The following PCDHA9 variants were observed in gnomAD, a reference collection of about 807,000 sequenced individuals.
PCDHA9 encodes the protein protocadherin alpha-9.
In PCDHA9, 62 loss-of-function variants were observed where a neutral mutation model predicts 62.0. The ratio of observed to expected loss-of-function variants is 1.00; its 90% CI spans 0.81 to 1.23. PCDHA9 has a LOEUF of 1.23. Among genes scored for constraint, PCDHA9 ranks in the 50% most tolerant of loss-of-function variants. The pLI is 0.00. For synonymous variants in PCDHA9, 557 were observed against 567.6 expected (o/e 0.98, Z 0.27); for missense variants, 1,205 against 1,249.8 (o/e 0.96, Z 0.54).
intron 1 of PCDHA9, among the ~76,000 whole-genome samples, chr5:140,974,152 G>A (rs183558718): frequency 4.2e-4 from 64 of 152,284 alleles, no homozygotes; most frequent in Admixed American, 2.4e-3. Flanking sequence ...CTATACAAGG[G>A]TTTTTCTTTC....
chr5:140,987,138 C>T (rs2097231368), intron 3 of PCDHA9, among the ~76,000 whole-genome samples: 1 of 151,182 alleles, frequency 6.6e-6, no homozygotes, highest in Non-Finnish European at 1.5e-5. Context: ...TGCTTGAACT[C>T]GGGAGGTGGA....
intron 1 of PCDHA9, chr5:140,855,934 G>A (rs1581379026): frequency 1.5e-6 from 2 of 1,294,846 alleles, no homozygotes; most frequent in South Asian, 1.5e-5. Flanking sequence ...GCGTCATTCT[G>A]AGATCTCAGC....
At chr5:140,901,927 A>C (rs2068986448) in intron 1 of PCDHA9, among the ~76,000 whole-genome samples, 1 of 151,764 alleles carries the variant, frequency 6.6e-6, no homozygotes. Context: ...TCTTTGGTTA[A>C]TTCCTAGGTA....
rs111528394 is a variant in PCDHA9 at position 140,995,338 on chromosome 5, C to T, written c.2542+12775C>T. Among the ~76,000 whole-genome samples the T allele has an allele frequency of 2.7e-4, 41 of 151,956 alleles. 1 individual carries two copies. Among genetic ancestry groups the T allele is most frequent in the Admixed American group, 6.6e-4 (10 of 15,254 alleles). On this transcript the variant is annotated intron_variant, in intron 3 of 3. Coordinates refer to ENST00000532602, the MANE Select transcript of PCDHA9 (RefSeq NM_031857.2). The stretch of plus-strand genomic sequence containing the variant: ...TGAACTAACAGGTGAGTAGTGTAGA[C>T]GGCATGGATAGGTCGGACAGAGGGA...
intron 1 of PCDHA9, among the ~76,000 whole-genome samples, chr5:140,957,475 A>G (rs2095362490): frequency 6.6e-6 from 1 of 152,192 alleles, no homozygotes; most frequent in Non-Finnish European, 1.5e-5. Flanking sequence ...ATGTATAGGA[A>G]AAAACATAGT....
chr5:140,957,594 A>C (rs2095369947), intron 1 of PCDHA9, among the ~76,000 whole-genome samples: 1 of 152,154 alleles, frequency 6.6e-6, no homozygotes, highest in Non-Finnish European at 1.5e-5. Context: ...AGCACTTCCC[A>C]GAATAAACAC....
intron 1 of PCDHA9, chr5:140,966,944 A>C: frequency 6.2e-7 from 1 of 1,603,894 alleles, no homozygotes; most frequent in Non-Finnish European, 8.5e-7. Context: ...GCTCGTGGGC[A>C]ACGTGGCTCG....
chr5:140,870,734 T>A (rs782055886), intron 1 of PCDHA9: 1 of 1,613,458 alleles, frequency 6.2e-7, no homozygotes. Flanking sequence ...GTGCCGCCTC[T>A]GAGCAGCAAC....
At chr5:140,902,938 C>T (rs2069876653) in intron 1 of PCDHA9, among the ~76,000 whole-genome samples, 1 of 152,186 alleles carries the variant, frequency 6.6e-6, no homozygotes. Flanking sequence ...ATATATACCA[C>T]ATTTTCTTTA....
intron 1 of PCDHA9, among the ~76,000 whole-genome samples, chr5:140,975,653 A>T (rs2096676885): frequency 6.6e-6 from 1 of 152,230 alleles, no homozygotes; most frequent in South Asian, 2.1e-4. Context: ...TATTTCATTG[A>T]GTAGTTGTGT....
intron 1 of PCDHA9, chr5:140,870,474 C>G: frequency 6.2e-7 from 1 of 1,614,218 alleles, no homozygotes; most frequent in South Asian, 1.1e-5. Context: ...TCGCACAGCC[C>G]GAGTACACCG....
rs191365735 is a variant in PCDHA9 at position 140,910,066 on chromosome 5, C to T, written c.2394+59177C>T. Among the ~76,000 whole-genome samples the T allele has an allele frequency of 7.2e-5, 11 of 152,234 alleles. No individual in the cohort carries two copies. In the East Asian group the frequency reaches 1.5e-3, roughly 21 times the overall value. On this transcript the variant is annotated intron_variant, in intron 1 of 3. Coordinates refer to ENST00000532602, the MANE Select transcript of PCDHA9 (RefSeq NM_031857.2). ...GTCATAATAAGTGATCTTTTAACAG[C>T]GTAAATTGTTGTCAAGGGGAACCAG...
chr5:140,851,802 T>G (rs1303108162), intron 1 of PCDHA9: 1 of 945,220 alleles, frequency 1.1e-6, no homozygotes, highest in Admixed American at 6.3e-5. Flanking sequence ...GTTCTGTCAG[T>G]AATCCATAAG....
At chr5:140,853,256 C>T (rs943963814) in intron 1 of PCDHA9, 1 of 973,952 alleles carries the variant, frequency 1.0e-6, no homozygotes, top group Non-Finnish European at 1.2e-6. Context: ...TCTATTCTCT[C>T]TCAGAGTACA....
At chr5:140,892,158 T>C (rs1442080527) in intron 1 of PCDHA9, among the ~76,000 whole-genome samples, 1 of 152,242 alleles carries the variant, frequency 6.6e-6, no homozygotes, top group Non-Finnish European at 1.5e-5. Context: ...ATTTCTGATA[T>C]GTCCAGTAAC....
At chr5:140,891,232 C>T (rs1562856029) in intron 1 of PCDHA9, among the ~76,000 whole-genome samples, 1 of 151,946 alleles carries the variant, frequency 6.6e-6, no homozygotes, top group Non-Finnish European at 1.5e-5. Context: ...TCATCCTGTT[C>T]TGGATTCAGT....
chr5:140,922,643 C>T (rs1554200906), intron 1 of PCDHA9, among the ~76,000 whole-genome samples: 3 of 152,192 alleles, frequency 2.0e-5, no homozygotes, highest in African/African-American at 7.2e-5. Flanking sequence ...CTCCATCAAA[C>T]AGTAAATATG....
At position 141,009,798 on chromosome 5, in the gene PCDHA9, A is replaced by T; in HGVS notation, c.2714A>T (p.Asn905Ile). 1 of 1,614,116 alleles carries T rather than the reference A, an allele frequency of 6.2e-7. No individual in the cohort carries two copies. The highest frequency in any genetic ancestry group is 2.2e-5 in the East Asian group (1 of 44,868). Residue 905 changes from asparagine (N) to isoleucine (I), a missense_variant, in exon 4 of 4, where the codon AAC (asparagine) becomes ATC (isoleucine). Asn to Ile is a moderately radical substitution (Grantham distance 149). Coordinates refer to ENST00000532602, the MANE Select transcript of PCDHA9 (RefSeq NM_031857.2). The stretch of plus-strand genomic sequence containing the variant: ...ATCTCCATCCGGCAGGAGCCTACTA[A>T]CAGCCAAATTGACAAAAGTGACTTC... Reference protein sequence around the residue: ...AIISIRQEPTNSQIDKSDFIT... With the variant: ...AIISIRQEPTISQIDKSDFIT...
At chr5:140,907,915 C>T (rs1554193177) in intron 1 of PCDHA9, among the ~76,000 whole-genome samples, 1 of 152,234 alleles carries the variant, frequency 6.6e-6, no homozygotes, top group Admixed American at 6.5e-5. Context: ...TTTGACCACT[C>T]AGAGAGGTCC....
Sources: allele counts gnomAD v4.1 joint callset (sites outside exome capture counted in the v4.1 genomes callset), GRCh38; gene constraint gnomAD v4.1.1; transcripts MANE v1.5; gene names NCBI Gene and HGNC (gene_info 2026-07-23, HGNC 2026-07-21).